The following CELF2 variants were observed in gnomAD, a reference collection of about 807,000 sequenced individuals.
CELF2 encodes CUGBP Elav-like family member 2.
CELF2 carries 8 observed loss-of-function variants against 62.6 expected under a neutral mutation model. That is an observed-to-expected ratio of 0.13 (90% CI 0.07 to 0.23). The LOEUF is 0.23. Ranked by LOEUF, CELF2 falls within the 10% of genes least tolerant of loss-of-function variation. CELF2 has a pLI of 1.00. For synonymous variants in CELF2, 258 were observed against 250.0 expected, an observed-to-expected ratio of 1.03 and a Z score of -0.30; for missense variants, 333 against 671.0, an observed-to-expected ratio of 0.50 and a Z score of 5.56.
At chr10:10,555,011 C>A in the CELF2 span, among the ~76,000 whole-genome samples, 1 of 151,894 alleles carries the variant, frequency 6.6e-6, no homozygotes, top group Non-Finnish European at 1.5e-5. Flanking sequence ...GTTCCAGGGG[C>A]ATTAAAAAGA....
the CELF2 span, among the ~76,000 whole-genome samples, chr10:10,604,495 T>C: frequency 2.6e-5 from 4 of 152,218 alleles, no homozygotes; most frequent in Non-Finnish European, 4.4e-5. Flanking sequence ...GTATAGGCTA[T>C]GGTGAGTAAG....
intron 9 of CELF2, among the ~76,000 whole-genome samples, chr10:11,298,575 T>C (rs1182615782): frequency 1.3e-5 from 2 of 152,248 alleles, no homozygotes; most frequent in Admixed American, 6.5e-5. Context: ...TTCTAGAGTA[T>C]GTAGACATCT....
the CELF2 span, among the ~76,000 whole-genome samples, chr10:10,736,127 C>A: frequency 1.3e-5 from 2 of 152,164 alleles, no homozygotes; most frequent in Non-Finnish European, 2.9e-5. Flanking sequence ...ATTTTTCATT[C>A]TTTACCCTAG....
In CELF2 at chr10:11,159,304, A is replaced by G. The variant is rs1291540918; in HGVS notation, c.75-6182A>G. Among the ~76,000 whole-genome samples, 2 of 152,268 alleles carry G rather than the reference A, an allele frequency of 1.3e-5. No homozygotes were observed. Among genetic ancestry groups the G allele is most frequent in the Non-Finnish European group, 2.9e-5 (2 of 68,050 alleles). On this transcript the variant is annotated intron_variant, in intron 1 of 12. Coordinates refer to ENST00000633077, the MANE Select transcript of CELF2 (RefSeq NM_001326342.2). This position sits in a 1 kb window ranked among gnomAD's most constrained non-coding sequence, Gnocchi z 5.0. ...TACCCAAAGTTTTCAGCAGCCCTGG[A>G]TGCCACTACAGTTAAGACATAGCTG...
At position 10,846,802 on chromosome 10, in the gene CELF2, AACCATCT is replaced by A. The variant is rs912892705; in HGVS notation, c.53+47987_53+47993del. On this transcript the variant is annotated intron_variant, in intron 1 of 13. Coordinates refer to the CELF2 transcript ENST00000636488. The stretch of plus-strand genomic sequence containing the variant: ...CCATTTTGCTGAAATGAGGCTAGAA[AACCATCT>A]AAGGGAAAGTTATGTTTTCCAAAAA... Among the ~76,000 whole-genome samples the A allele has an allele frequency of 1.3e-4, 20 of 152,334 alleles. No homozygotes were observed. In the East Asian group the frequency reaches 3.9e-3, roughly 29 times the overall value.
intron 3 of CELF2, among the ~76,000 whole-genome samples, chr10:11,229,186 C>T (rs2067705253): frequency 6.6e-6 from 1 of 152,166 alleles, no homozygotes; most frequent in African/African-American, 2.4e-5. Context: ...GCAAACCATG[C>T]CCCCGTGATT....
chr10:10,585,969 C>T, the CELF2 span, among the ~76,000 whole-genome samples: 1 of 152,144 alleles, frequency 6.6e-6, no homozygotes, highest in African/African-American at 2.4e-5. Context: ...ATGCTTAATA[C>T]AACACTTGCA....
At chr10:10,956,007 C>T (rs1171886893) in intron 2 of CELF2, among the ~76,000 whole-genome samples, 2 of 152,176 alleles carry the variant, frequency 1.3e-5, no homozygotes, top group Non-Finnish European at 2.9e-5. Context: ...ATTGTTCAGA[C>T]TTAAGTCAGG....
intron 1 of CELF2, among the ~76,000 whole-genome samples, chr10:11,144,408 G>A (rs1429888765): frequency 6.6e-6 from 1 of 152,132 alleles, no homozygotes; most frequent in Non-Finnish European, 1.5e-5. Context: ...GGTGCAGAAT[G>A]TTTACTGTAT....
chr10:11,026,703 C>G (rs2059264761), intron 1 of CELF2, among the ~76,000 whole-genome samples: 1 of 152,162 alleles, frequency 6.6e-6, no homozygotes, highest in Non-Finnish European at 1.5e-5. Flanking sequence ...TAAAAAATCT[C>G]CTTTAATGCC....
At chr10:10,745,030 G>T in the CELF2 span, among the ~76,000 whole-genome samples, 1 of 151,192 alleles carries the variant, frequency 6.6e-6, no homozygotes, top group South Asian at 2.1e-4. Flanking sequence ...GCGTGAATAT[G>T]AGTTTATTCC....
chr10:10,586,228 G>A, the CELF2 span, among the ~76,000 whole-genome samples: 1 of 152,020 alleles, frequency 6.6e-6, no homozygotes, highest in African/African-American at 2.4e-5. Flanking sequence ...CTTGCAACAG[G>A]GAAAATAGGT....
chr10:10,910,843 G>T (rs987016628), intron 1 of CELF2, among the ~76,000 whole-genome samples: 3 of 152,074 alleles, frequency 2.0e-5, no homozygotes, highest in Non-Finnish European at 4.4e-5. Context: ...AACTTCATGT[G>T]ACATTTCTAG....
intron 2 of CELF2, among the ~76,000 whole-genome samples, chr10:10,933,812 T>C (rs2066348514): frequency 1.3e-5 from 2 of 152,226 alleles, no homozygotes; most frequent in South Asian, 4.1e-4. Flanking sequence ...CTATTGTGTA[T>C]ATATACCACA....
At chr10:11,185,962 C>G (rs2074753327) in intron 2 of CELF2, among the ~76,000 whole-genome samples, 1 of 152,168 alleles carries the variant, frequency 6.6e-6, no homozygotes, top group East Asian at 1.9e-4. Flanking sequence ...GTCACCCAGA[C>G]TTCAAGTTAA....
At chr10:10,512,439 C>T in the CELF2 span, among the ~76,000 whole-genome samples, 4 of 122,304 alleles carry the variant, frequency 3.3e-5, no homozygotes, top group African/African-American at 6.2e-5. Flanking sequence ...CAGAGTCTTG[C>T]TCTGTTGCCT....
chr10:10,556,804 T>A, the CELF2 span, among the ~76,000 whole-genome samples: 3 of 151,998 alleles, frequency 2.0e-5, no homozygotes, highest in Admixed American at 6.6e-5. Context: ...CATTTTTTCA[T>A]GTGTCTTTTG....
intron 9 of CELF2, among the ~76,000 whole-genome samples, chr10:11,289,435 C>T (rs764599440): frequency 3.9e-5 from 6 of 152,198 alleles, no homozygotes; most frequent in Non-Finnish European, 5.9e-5. Context: ...GCCCACTCCA[C>T]GCTGGCTGTT....
chr10:11,204,126 T>C (rs1056143741), intron 2 of CELF2, among the ~76,000 whole-genome samples: 2 of 152,204 alleles, frequency 1.3e-5, no homozygotes, highest in Admixed American at 1.3e-4. Flanking sequence ...GAATGAATTA[T>C]TTGATCACCC....
Sources: gnomAD v4.1 joint callset for allele counts (sites outside exome capture counted in the v4.1 genomes callset) on GRCh38, gnomAD v4.1.1 for gene constraint, Gnocchi (gnomAD v3.1) non-coding constraint, MANE v1.5 for transcripts, NCBI Gene and HGNC (gene_info 2026-07-23, HGNC 2026-07-21) for gene names.